The following NELL1 variants were observed in gnomAD, a reference collection of about 807,000 sequenced individuals.
NELL1 encodes the protein neural EGFL like 1.
A neutral mutation model predicts 107.4 loss-of-function variants in NELL1; 76 were observed. The observed-to-expected ratio is 0.71, with a 90% CI of 0.59 to 0.86. NELL1 has a LOEUF of 0.86. Ranked by LOEUF, NELL1 falls within the 40% of genes least tolerant of loss-of-function variation. The pLI is 0.00. For missense variants in NELL1, 1,024 were observed against 1,005.5 expected (o/e 1.02, Z -0.25); for synonymous variants, 353 against 341.2 (o/e 1.03, Z -0.38).
At chr11:21,527,158 G>A (rs1855875721) in intron 15 of NELL1, among the ~76,000 whole-genome samples, 1 of 152,052 alleles carries the variant, frequency 6.6e-6, no homozygotes, top group African/African-American at 2.4e-5. Context: ...CTAGGGCAGG[G>A]GCAAAAATGC....
chr11:21,035,097 G>A (rs1853055906), intron 12 of NELL1, among the ~76,000 whole-genome samples: 1 of 151,324 alleles, frequency 6.6e-6, no homozygotes, highest in African/African-American at 2.4e-5. Context: ...CATTAGAGGA[G>A]TCTATATATA....
intron 15 of NELL1, among the ~76,000 whole-genome samples, chr11:21,520,361 C>A (rs1855687842): frequency 6.6e-6 from 1 of 152,094 alleles, no homozygotes; most frequent in African/African-American, 2.4e-5. Flanking sequence ...TACTTCAGGA[C>A]TCATCATGTA....
chr11:21,443,963 G>C (rs535066078), intron 15 of NELL1, among the ~76,000 whole-genome samples: 1 of 152,046 alleles, frequency 6.6e-6, no homozygotes, highest in South Asian at 2.1e-4. Context: ...TTATAAGAAG[G>C]AAAACAATAA....
intron 14 of NELL1, among the ~76,000 whole-genome samples, chr11:21,341,400 A>AT (rs1278064660): frequency 6.6e-6 from 1 of 152,154 alleles, no homozygotes; most frequent in Non-Finnish European, 1.5e-5. Flanking sequence ...TTCTGTACAT[A>AT]TTTTTTAATT....
intron 13 of NELL1, among the ~76,000 whole-genome samples, chr11:21,158,398 C>T (rs1452177682): frequency 3.3e-5 from 5 of 152,092 alleles, no homozygotes; most frequent in Non-Finnish European, 2.9e-5. Flanking sequence ...TCTAGAGAAC[C>T]GTAATACAAG....
chr11:21,131,936 C>T (rs540731405), intron 13 of NELL1, among the ~76,000 whole-genome samples: 49 of 152,304 alleles, frequency 3.2e-4, no homozygotes, highest in African/African-American at 9.9e-4. Flanking sequence ...CTTTGCACAT[C>T]AGGAGATTTC....
intron 16 of NELL1, among the ~76,000 whole-genome samples, chr11:21,542,612 A>G (rs972125602): frequency 6.6e-6 from 1 of 151,996 alleles, no homozygotes; most frequent in African/African-American, 2.4e-5. Context: ...TGATAATACT[A>G]CTACTGGGAT....
chr11:21,377,544 G>T (rs943472704), intron 15 of NELL1, among the ~76,000 whole-genome samples: 7 of 151,926 alleles, frequency 4.6e-5, no homozygotes, highest in African/African-American at 1.7e-4. Flanking sequence ...TGCTATTAGG[G>T]TGATGCTGTC....
At chr11:21,071,311 G>A (rs954934477) in intron 12 of NELL1, among the ~76,000 whole-genome samples, 2 of 152,154 alleles carry the variant, frequency 1.3e-5, no homozygotes, top group African/African-American at 4.8e-5. Context: ...AGTGCCCATA[G>A]CATACACTCA....
At chr11:21,206,706 G>A (rs906965754) in intron 13 of NELL1, among the ~76,000 whole-genome samples, 3 of 152,112 alleles carry the variant, frequency 2.0e-5, no homozygotes, top group Non-Finnish European at 2.9e-5. Context: ...TTTCCCCTTT[G>A]TCAGTCTTTC....
At chr11:20,838,711 T>A (rs1312473972) in intron 3 of NELL1, among the ~76,000 whole-genome samples, 1 of 152,104 alleles carries the variant, frequency 6.6e-6, no homozygotes, top group Non-Finnish European at 1.5e-5. Context: ...ATATTTCTTG[T>A]TTGGGAACAA....
intron 15 of NELL1, among the ~76,000 whole-genome samples, chr11:21,397,918 C>T (rs1203691041): frequency 1.3e-5 from 2 of 151,476 alleles, no homozygotes; most frequent in African/African-American, 4.8e-5. Flanking sequence ...TCACCAGATA[C>T]CGAATCTGCT....
intron 15 of NELL1, among the ~76,000 whole-genome samples, chr11:21,413,249 A>AG (rs1852424241): frequency 6.6e-6 from 1 of 152,008 alleles, no homozygotes; most frequent in Admixed American, 6.6e-5. Flanking sequence ...GATGCGAGAT[A>AG]AACCATAACC....
At chr11:21,571,492 G>A (rs1857099363) in intron 18 of NELL1, among the ~76,000 whole-genome samples, 1 of 151,842 alleles carries the variant, frequency 6.6e-6, no homozygotes, top group Non-Finnish European at 1.5e-5. Context: ...GAAAGAATGG[G>A]CTGTTACAAA....
At position 21,360,402 on chromosome 11, in the gene NELL1, G is replaced by A. The variant is rs545271411; in HGVS notation, c.1550-10451G>A. On this transcript the variant is annotated intron_variant, in intron 14 of 19. Coordinates refer to ENST00000357134, the MANE Select transcript of NELL1 (RefSeq NM_006157.5). ...AAAATGTATTGAAACTTGTTTTGTG[G>A]CCTATCATATGGTCTATTTTAGACA... Among the ~76,000 whole-genome samples, 8 of 152,112 alleles carry A rather than the reference G, an allele frequency of 5.3e-5. 1 individual carries two copies. Among genetic ancestry groups the A allele is most frequent in the African/African-American group, 1.4e-4 (6 of 41,510 alleles).
intron 3 of NELL1, among the ~76,000 whole-genome samples, chr11:20,833,367 T>C (rs1858054232): frequency 6.6e-6 from 1 of 152,168 alleles, no homozygotes; most frequent in African/African-American, 2.4e-5. Flanking sequence ...TCTATAAGAG[T>C]GACTGTGAAC....
intron 12 of NELL1, among the ~76,000 whole-genome samples, chr11:21,034,671 G>T (rs1427005737): frequency 2.0e-5 from 3 of 152,028 alleles, no homozygotes; most frequent in Non-Finnish European, 4.4e-5. Context: ...TGAAATTAAG[G>T]CAAAAGTTAA....
chr11:20,797,763 G>A (rs1373128172), intron 3 of NELL1, among the ~76,000 whole-genome samples: 1 of 152,050 alleles, frequency 6.6e-6, no homozygotes, highest in African/African-American at 2.4e-5. Flanking sequence ...CAGGGTTCTG[G>A]CTTGTGCTAC....
intron 3 of NELL1, among the ~76,000 whole-genome samples, chr11:20,811,638 T>C (rs1564918778): frequency 6.6e-6 from 1 of 152,124 alleles, no homozygotes; most frequent in African/African-American, 2.4e-5. Flanking sequence ...TAGTTTTCAT[T>C]GTAGAGTTCT....
Sources: allele counts gnomAD v4.1 joint callset (sites outside exome capture counted in the v4.1 genomes callset), GRCh38; gene constraint gnomAD v4.1.1; transcripts MANE v1.5; gene names NCBI Gene and HGNC (gene_info 2026-07-23, HGNC 2026-07-21).